PLS1: variants seen among roughly 807,000 people sequenced by gnomAD.
The protein encoded by PLS1 is plastin-1.
Under a neutral mutation model 73.7 loss-of-function variants are expected in PLS1, and 32 were observed. The ratio of observed to expected loss-of-function variants is 0.43; its 90% confidence interval spans 0.33 to 0.58. The LOEUF (loss-of-function observed/expected upper bound fraction) is 0.58. PLS1 is among the 20% of genes least tolerant of loss of function. The pLI, the probability that PLS1 is intolerant of heterozygous loss-of-function variation, is 0.04. For synonymous variants in PLS1, 217 were observed against 261.3 expected, an observed-to-expected ratio of 0.83 and a Z score of 1.63; for missense variants, 633 against 740.5, an observed-to-expected ratio of 0.85 and a Z score of 1.68.
At chr3:142,603,192 T>C (rs1445279070) in intron 1 of PLS1, among the ~76,000 whole-genome samples, 4 of 152,216 alleles carry the variant, frequency 2.6e-5, no homozygotes, top group Non-Finnish European at 5.9e-5. Flanking sequence ...ATCTGATTTC[T>C]TTTTAGCACT....
intron 12 of PLS1, among the ~76,000 whole-genome samples, chr3:142,701,048 T>A (rs895261835): frequency 6.6e-6 from 1 of 152,224 alleles, no homozygotes; most frequent in African/African-American, 2.4e-5. Flanking sequence ...TTCTTCCCAG[T>A]CTTGGATATG....
chr3:142,633,975 T>G (rs1367647809), intron 1 of PLS1, among the ~76,000 whole-genome samples: 4 of 152,114 alleles, frequency 2.6e-5, no homozygotes, highest in Admixed American at 2.6e-4. Flanking sequence ...AGTGGAGACA[T>G]AGAAAATATT....
intron 12 of PLS1, among the ~76,000 whole-genome samples, chr3:142,698,956 A>C (rs1203641409): frequency 1.3e-5 from 2 of 152,244 alleles, no homozygotes; most frequent in African/African-American, 4.8e-5. Context: ...TGATACACCC[A>C]TAAGATGAAG....
intron 14 of PLS1, among the ~76,000 whole-genome samples, chr3:142,705,367 C>A (rs1281602338): frequency 1.3e-5 from 2 of 152,144 alleles, no homozygotes; most frequent in Non-Finnish European, 2.9e-5. Flanking sequence ...AAAAAAAAAT[C>A]TTGTCATCTG....
rs115464720 is a variant in PLS1, at chr3:142,604,116, A to G, written c.-37+7607A>G. Among the ~76,000 whole-genome samples, 1,513 of 152,320 alleles carry G rather than the reference A, an allele frequency of 9.9e-3. 27 individuals carry two copies. The highest frequency in any genetic ancestry group is 0.034 in the African/African-American group (1,432 of 41,562). On this transcript the variant is annotated intron_variant, in intron 1 of 15. Coordinates refer to ENST00000457734, the MANE Select transcript of PLS1 (RefSeq NM_001145319.2). ...GCTCCTTCAATTTTTTTGAGAACTA[A>G]GAAATAAGAGATTTTAGCAGTACTG...
intron 1 of PLS1, 41 bp from the exon 2 acceptor site, chr3:142,664,161 C>T: frequency 1.3e-6 from 1 of 794,110 alleles, no homozygotes; most frequent in Non-Finnish European, 2.1e-6. Flanking sequence ...TTAAATGTTT[C>T]CAAAGGCTTC....
chr3:142,683,557 C>T (rs1317827059), intron 6 of PLS1, among the ~76,000 whole-genome samples: 1 of 152,158 alleles, frequency 6.6e-6, no homozygotes, highest in Non-Finnish European at 1.5e-5. Context: ...GGATCAGACC[C>T]CGGCCTTTCC....
At chr3:142,627,662 G>A (rs370368574) in intron 1 of PLS1, among the ~76,000 whole-genome samples, 4 of 151,990 alleles carry the variant, frequency 2.6e-5, no homozygotes, top group South Asian at 2.1e-4. Context: ...ACAGTGTCTC[G>A]CTCTGTCACC....
Position 142,704,434 on chromosome 3 carries a change from GTCTCAAATATACA to G in PLS1, c.1506-25_1506-13del. The G allele has an allele frequency of 6.4e-7, 1 of 1,571,456 alleles. No individual in the cohort carries two copies. The highest frequency in any genetic ancestry group is 1.2e-5 in the South Asian group (1 of 85,392). On this transcript the variant is annotated splice_polypyrimidine_tract_variant and intron_variant, in intron 13 of 15. Transcript: ENST00000457734. ...GTGAAAGCAAATTTCACCCTTTTCA[GTCTCAAATATACA>G]TCTTTTCTGTTGCAGGTACACATTG...
intron 6 of PLS1, among the ~76,000 whole-genome samples, chr3:142,680,314 T>G (rs2037821620): frequency 6.6e-6 from 1 of 152,104 alleles, no homozygotes; most frequent in Non-Finnish European, 1.5e-5. Context: ...ATCTTCCTGC[T>G]TCAGCCTCCC....
intron 6 of PLS1, among the ~76,000 whole-genome samples, chr3:142,681,172 A>G (rs1473782271): frequency 6.6e-6 from 1 of 152,092 alleles, no homozygotes; most frequent in Non-Finnish European, 1.5e-5. Flanking sequence ...CTTATAGAAT[A>G]TTTTTTCTTT....
intron 1 of PLS1, among the ~76,000 whole-genome samples, chr3:142,641,241 ATCTATATATCTC>A (rs929932219): frequency 1.4e-5 from 2 of 145,334 alleles, no homozygotes; most frequent in African/African-American, 5.0e-5. Context: ...ATATCTATAT[ATCTATATATCTC>A]TCTATATATT....
intron 4 of PLS1, among the ~76,000 whole-genome samples, chr3:142,671,613 C>G (rs1218995338): frequency 6.6e-6 from 1 of 152,052 alleles, no homozygotes; most frequent in Non-Finnish European, 1.5e-5. Context: ...GAGCATAGCA[C>G]CTGATTTGCT....
At chr3:142,651,656 C>T (rs2037096112) in intron 1 of PLS1, among the ~76,000 whole-genome samples, 1 of 152,018 alleles carries the variant, frequency 6.6e-6, no homozygotes, top group Admixed American at 6.6e-5. Context: ...AAACACACAG[C>T]ATTTCCATCA....
chr3:142,611,711 G>A (rs376669130), intron 1 of PLS1, among the ~76,000 whole-genome samples: 3 of 152,044 alleles, frequency 2.0e-5, no homozygotes, highest in Admixed American at 1.3e-4. Flanking sequence ...ATACATAAGC[G>A]CACACACATA....
At chr3:142,640,152 T>C (rs2036798353) in intron 1 of PLS1, among the ~76,000 whole-genome samples, 1 of 152,188 alleles carries the variant, frequency 6.6e-6, no homozygotes. Context: ...GCTAATATTA[T>C]TTGAAATGTA....
intron 1 of PLS1, among the ~76,000 whole-genome samples, chr3:142,616,537 A>T (rs1048261819): frequency 6.6e-6 from 1 of 152,122 alleles, no homozygotes; most frequent in Non-Finnish European, 1.5e-5. Flanking sequence ...CATGGACTGC[A>T]GTACTATTTG....
chr3:142,626,807 T>G (rs1206517341), intron 1 of PLS1, among the ~76,000 whole-genome samples: 1 of 152,252 alleles, frequency 6.6e-6, no homozygotes, highest in Non-Finnish European at 1.5e-5. Context: ...GCTACTTGCT[T>G]ATTTAGTGAG....
intron 1 of PLS1, among the ~76,000 whole-genome samples, chr3:142,648,878 C>G (rs2037017777): frequency 1.3e-5 from 2 of 152,184 alleles, no homozygotes; most frequent in African/African-American, 2.4e-5. Flanking sequence ...CTGGGTCAGG[C>G]ACCACTTTGG....
Sources: allele counts gnomAD v4.1 joint callset (sites outside exome capture counted in the v4.1 genomes callset), GRCh38; gene constraint gnomAD v4.1.1; transcripts MANE v1.5; gene names NCBI Gene and HGNC (gene_info 2026-07-23, HGNC 2026-07-21).